CRISPLD2: variants seen among roughly 807,000 people sequenced by gnomAD.
CRISPLD2 encodes cysteine-rich secretory protein LCCL domain-containing 2.
Under a neutral mutation model 71.1 loss-of-function variants are expected in CRISPLD2, and 47 were observed. The ratio of observed to expected loss-of-function variants is 0.66; its 90% CI spans 0.52 to 0.84. CRISPLD2 has a LOEUF of 0.84. Among genes scored for constraint, CRISPLD2 ranks in the 40% least tolerant of loss-of-function variants. The pLI, the probability that CRISPLD2 is intolerant of heterozygous loss-of-function variation, is 0.00. For missense variants in CRISPLD2, 830 were observed against 651.1 expected, an observed-to-expected ratio of 1.27 and a Z score of -2.99; for synonymous variants, 317 against 250.1, an observed-to-expected ratio of 1.27 and a Z score of -2.52.
At chr16:84,880,349 AG>A (rs532908305) in intron 12 of CRISPLD2, among the ~76,000 whole-genome samples, 159 bp from the exon 13 acceptor site, 1 of 152,074 alleles carries the variant, frequency 6.6e-6, no homozygotes, top group Non-Finnish European at 1.5e-5. Context: ...ACCTCTGCTG[AG>A]GGGGGAGAAG....
chr16:84,881,043 C>G (rs761171939), intron 13 of CRISPLD2, among the ~76,000 whole-genome samples: 8 of 152,136 alleles, frequency 5.3e-5, no homozygotes, highest in Middle Eastern at 3.2e-3. Context: ...TTTCTGCAAA[C>G]ATTTTCCCCA....
intron 4 of CRISPLD2, 124 bp from the exon 5 acceptor site, chr16:84,850,444 T>G: frequency 1.4e-6 from 1 of 737,684 alleles, no homozygotes. Flanking sequence ...GGGACTAATA[T>G]CTGCTTCCCC....
rs756402664 is a variant in CRISPLD2 at position 84,868,809 on chromosome 16, T to C, written c.854-42T>C. On this transcript the variant is annotated intron_variant, in intron 7 of 14. Transcript: ENST00000262424. ...ATGGGGAAGGGTCTTCTCACCCTCC[T>C]GGTTTCGTGCCGTGACATGTATTCC... is the stretch of plus-strand genomic sequence containing the variant. 4 of 1,545,886 alleles carry C rather than the reference T, an allele frequency of 2.6e-6. No individual in the cohort carries two copies. The South Asian group carries it at 3.4e-5, about 13-fold the overall frequency.
intron 13 of CRISPLD2, among the ~76,000 whole-genome samples, chr16:84,884,447 C>T (rs974603363): frequency 6.6e-6 from 1 of 152,180 alleles, no homozygotes; most frequent in South Asian, 2.1e-4. Context: ...AAAGGCGGGG[C>T]TCTGGGGTTC....
At chr16:84,873,872 A>T (rs1030189989) in intron 10 of CRISPLD2, 48 bp from the exon 11 acceptor site, 6 of 1,514,134 alleles carry the variant, frequency 4.0e-6, no homozygotes, top group Non-Finnish European at 5.4e-6. Flanking sequence ...AAGCAATTCT[A>T]TTTGCATTTA....
chr16:84,863,208 CAG>C (rs1293356431), intron 6 of CRISPLD2: 1 of 152,178 alleles, frequency 6.6e-6, no homozygotes, highest in African/African-American at 2.4e-5. Flanking sequence ...CCAATAGCCA[CAG>C]AGGGGCATTT....
intron 14 of CRISPLD2, among the ~76,000 whole-genome samples, chr16:84,895,687 C>G (rs1033002333): frequency 5.9e-5 from 9 of 152,176 alleles, no homozygotes; most frequent in African/African-American, 2.2e-4. Flanking sequence ...ATAGTTCACT[C>G]ACCACTTGTG....
intron 14 of CRISPLD2, among the ~76,000 whole-genome samples, chr16:84,896,327 G>T (rs1024683273): frequency 6.6e-6 from 1 of 152,010 alleles, no homozygotes; most frequent in African/African-American, 2.4e-5. Context: ...GGGAGTACAG[G>T]TGTGAGCCAC....
chr16:84,865,814 G>A (rs1917520592), intron 6 of CRISPLD2, among the ~76,000 whole-genome samples: 1 of 152,142 alleles, frequency 6.6e-6, no homozygotes, highest in African/African-American at 2.4e-5. Context: ...GATGAAAACT[G>A]GAAGATAAGC....
rs571176875 is a variant in CRISPLD2, at chr16:84,881,545, A to G, written c.1305+961A>G. 2.1e-3 allele frequency among the ~76,000 whole-genome samples: 313 copies of G among 152,322 alleles called. 4 individuals are homozygous for G. Among genetic ancestry groups the G allele is most frequent in the East Asian group, 3.5e-3 (18 of 5,188 alleles). ...TGTCAAGCTGTTTCCTTGTGGCGGA[A>G]CGGCCCAGAACCGGGATTATCAAAT... is the stretch of plus-strand genomic sequence containing the variant. On this transcript the variant is annotated intron_variant, in intron 13 of 14. Coordinates refer to ENST00000262424, the MANE Select transcript of CRISPLD2 (RefSeq NM_031476.4).
intron 14 of CRISPLD2, among the ~76,000 whole-genome samples, chr16:84,899,540 C>G (rs1382967971): frequency 1.3e-5 from 2 of 152,210 alleles, no homozygotes; most frequent in African/African-American, 2.4e-5. Flanking sequence ...GGTGCCCAAA[C>G]CTGCGGGAAT....
At chr16:84,852,662 T>C (rs1214051470) in intron 5 of CRISPLD2, among the ~76,000 whole-genome samples, 1 of 148,228 alleles carries the variant, frequency 6.7e-6, no homozygotes, top group Non-Finnish European at 1.5e-5. Context: ...TGAGTTTGGG[T>C]GTGGGGGGGG....
intron 6 of CRISPLD2, among the ~76,000 whole-genome samples, chr16:84,858,269 G>A (rs972538841): frequency 2.6e-5 from 4 of 152,174 alleles, no homozygotes; most frequent in East Asian, 1.9e-4. Context: ...GCCTTCTCCT[G>A]TTCTGGACCC....
intron 1 of CRISPLD2, among the ~76,000 whole-genome samples, chr16:84,820,579 G>T (rs892689631): frequency 3.3e-5 from 5 of 152,174 alleles, no homozygotes; most frequent in African/African-American, 1.2e-4. Flanking sequence ...TGTGCATTCA[G>T]CTGCAGTTTA....
chr16:84,897,870 G>T (rs751348611), intron 14 of CRISPLD2, among the ~76,000 whole-genome samples: 1 of 152,200 alleles, frequency 6.6e-6, no homozygotes, highest in Non-Finnish European at 1.5e-5. Flanking sequence ...GCCTGCCTTG[G>T]CCTCCCAAAA....
At chr16:84,829,822 T>A (rs1038496272) in intron 1 of CRISPLD2, among the ~76,000 whole-genome samples, 1 of 152,220 alleles carries the variant, frequency 6.6e-6, no homozygotes, top group Non-Finnish European at 1.5e-5. Context: ...AGTGGCCTCA[T>A]CAGTTTGTGG....
chr16:84,844,035 G>A, intron 2 of CRISPLD2, among the ~76,000 whole-genome samples: 1 of 152,234 alleles, frequency 6.6e-6, no homozygotes, highest in East Asian at 1.9e-4. Flanking sequence ...GGTGTGCAGA[G>A]GGCAGGAGGC....
At chr16:84,826,882 C>G (rs1215022161) in intron 1 of CRISPLD2, among the ~76,000 whole-genome samples, 3 of 152,210 alleles carry the variant, frequency 2.0e-5, no homozygotes, top group Non-Finnish European at 4.4e-5. Flanking sequence ...AGGGAAAGGC[C>G]CCGGGATTTT....
At chr16:84,864,474 A>G (rs1917481412) in intron 6 of CRISPLD2, among the ~76,000 whole-genome samples, 1 of 152,218 alleles carries the variant, frequency 6.6e-6, no homozygotes, top group Non-Finnish European at 1.5e-5. Context: ...TCCCGCTCTC[A>G]GTGAGGGCAA....
Sources: gnomAD v4.1 joint callset for allele counts (sites outside exome capture counted in the v4.1 genomes callset) on GRCh38, gnomAD v4.1.1 for gene constraint, MANE v1.5 for transcripts, NCBI Gene and HGNC (gene_info 2026-07-23, HGNC 2026-07-21) for gene names.